Variants in PZP observed in about 807,000 individuals in gnomAD.
PZP encodes PZP alpha-2-macroglobulin like.
A neutral mutation model predicts 179.8 loss-of-function variants in PZP; 150 were observed. The ratio of observed to expected loss-of-function variants is 0.83; its 90% CI spans 0.73 to 0.96. PZP has a LOEUF of 0.96. Among genes scored for constraint, PZP ranks in the 40% least tolerant of loss-of-function variants. The pLI is 0.00. For missense variants in PZP, 1,689 were observed against 1,764.0 expected (o/e 0.96, Z 0.76); for synonymous variants, 624 against 652.3 (o/e 0.96, Z 0.66).
chr12:9,166,970 A>G (rs956143592), intron 17 of PZP: 12 of 152,234 alleles, frequency 7.9e-5, no homozygotes, highest in African/African-American at 2.9e-4. Context: ...ACCTTGTGAA[A>G]GAATACTTAC....
intron 4 of PZP, 51 bp from the exon 5 acceptor site, chr12:9,201,398 A>G: frequency 7.1e-7 from 1 of 1,406,330 alleles, no homozygotes; most frequent in African/African-American, 1.4e-5. Flanking sequence ...AGCAAAGGCT[A>G]CAATTTCAGA....
chr12:9,169,609 T>C lies in PZP; in HGVS notation c.1840-18A>G, dbSNP rs199731446. The C allele has an allele frequency of 1.7e-4, 272 of 1,574,980 alleles. 1 individual carries two copies. The African/African-American group carries it at 3.4e-3, about 20-fold the overall frequency. ...TTATATACCTGTAGCAGTGGGGGGA[T>C]CAAAGGCAGAACTGTTACTTACTTT... On this transcript the variant is annotated intron_variant, in intron 15 of 35. Transcript: ENST00000261336.
rs1468793471 is a variant in PZP, at chr12:9,192,247, T to G, written c.1492A>C (p.Lys498Gln). The change falls in exon 13 of 36, where the codon AAG (lysine) becomes CAG (glutamine). Residue 498 changes from lysine to glutamine, a missense_variant. By Grantham distance (53) the Lys-to-Gln change is moderately conservative. Coordinates refer to ENST00000261336, the MANE Select transcript of PZP (RefSeq NM_002864.3). ...ELSFHYLIMA[K>Q]GVIVRSGTHT... ...GTTCCAGATCTGACGATGACTCCCT[T>G]AGCCATGATCTGAAATGAAAAAACA... 2.5e-6 allele frequency: 4 copies of G among 1,614,010 alleles called. No homozygotes were observed. In the East Asian group the frequency reaches 6.7e-5, roughly 27 times the overall value.
intron 34 of PZP, 77 bp downstream of exon 34, chr12:9,150,566 CT>C: frequency 1.0e-6 from 1 of 963,128 alleles, no homozygotes; most frequent in East Asian, 2.5e-5. Context: ...ACTAAGTGGG[CT>C]AAGAAGAGGA....
At chr12:9,140,468 G>A in the PZP span, among the ~76,000 whole-genome samples, 32 of 152,280 alleles carry the variant, frequency 2.1e-4, no homozygotes, top group Admixed American at 6.5e-4. Flanking sequence ...AAAGGGCCAC[G>A]TGTTATTTTC....
intron 13 of PZP, among the ~76,000 whole-genome samples, chr12:9,191,167 G>A (rs747426041): frequency 1.3e-5 from 2 of 152,052 alleles, no homozygotes; most frequent in East Asian, 3.9e-4. Context: ...GACTCTTCCT[G>A]TTATGAATAA....
At chr12:9,194,477 T>G (rs1353421566) in intron 10 of PZP, among the ~76,000 whole-genome samples, 1 of 149,888 alleles carries the variant, frequency 6.7e-6, no homozygotes, top group Non-Finnish European at 1.5e-5. Context: ...TTTTTTTTTT[T>G]TTTTTGAGAC....
Position 9,157,350 on chromosome 12 carries a change from A to G in PZP, c.3375T>C (p.Pro1125=), listed in dbSNP as rs150570664. Residue 1125 remains proline (P), a synonymous_variant, in exon 28 of 36, where the codon CCT becomes CCC. Coordinates refer to ENST00000261336, the MANE Select transcript of PZP (RefSeq NM_002864.3). ...LLEIPLPVTN[P]IVRNALFCLE... ...GGCAGAACAGGGCATTGCGAACAAT[A>G]GGGTTCTGTAAAGGCAAAATGTGGT... 1,037 of 1,612,304 alleles carry G rather than the reference A, an allele frequency of 6.4e-4. 7 individuals carry two copies. In the African/African-American group the frequency reaches 0.012, roughly 19 times the overall value.
rs866328662 is a variant in PZP at position 9,194,260 on chromosome 12, T to C, written c.1093-22A>G. On this transcript the variant is annotated intron_variant, in intron 10 of 35. Transcript: ENST00000261336. ...GCACCTAAAGAAGAAAAGTACTTGA[T>C]AGTTGATGTGAACAACACCCAGAGA... 3.1e-6 allele frequency: 5 copies of C among 1,612,010 alleles called. No homozygotes were observed. In the Middle Eastern group the frequency reaches 6.6e-4, roughly 213 times the overall value.
chr12:9,197,457 TATA>T (rs1293292753), intron 7 of PZP, among the ~76,000 whole-genome samples: 8 of 131,808 alleles, frequency 6.1e-5, no homozygotes, highest in East Asian at 2.1e-4. Flanking sequence ...CTTAATAATA[TATA>T]ATAATATAAT....
chr12:9,179,900 G>C (rs1022473660), intron 15 of PZP, among the ~76,000 whole-genome samples: 19 of 152,164 alleles, frequency 1.2e-4, no homozygotes. Context: ...CAAAGTTGCA[G>C]GCAGATTCAG....
rs1940285463 is a variant in PZP at position 9,150,657 on chromosome 12, A to G, written c.4371T>C (p.Asp1457=). The G allele has an allele frequency of 6.2e-7, 1 of 1,604,266 alleles. No homozygotes were observed. ...DLKPAIVKVY[D]YYETDESVVA... ...TCTTTCACTCACCTGTCTCATAGTA[A>G]TCATAGACTTTAACAATTGCTGGCT... Residue 1457 remains aspartate, a synonymous_variant, in exon 34 of 36, where the codon GAT becomes GAC. Transcript: ENST00000261336.
Position 9,165,132 on chromosome 12 carries a change from T to G in PZP, c.2487+7A>C, listed in dbSNP as rs762763560. 1.1e-5 allele frequency: 17 copies of G among 1,612,808 alleles called. No homozygotes were observed. Among genetic ancestry groups the G allele is most frequent in the African/African-American group, 6.7e-5 (5 of 74,892 alleles). ...CCACCTTTCCTGTTCACCCTCATTT[T>G]CCTTACCCGGATGCATTTGGGAAGG... On this transcript the variant is annotated splice_region_variant and intron_variant, in intron 19 of 35. Coordinates refer to ENST00000261336, the MANE Select transcript of PZP (RefSeq NM_002864.3).
downstream of PZP, among the ~76,000 whole-genome samples, chr12:9,144,995 A>ACT (rs1939935454): frequency 6.6e-6 from 1 of 151,558 alleles, no homozygotes; most frequent in Non-Finnish European, 1.5e-5. Flanking sequence ...CCTGTCACCT[A>ACT]CTCTCTTGTG....
intron 29 of PZP, 148 bp downstream of exon 29, chr12:9,154,468 T>C (rs904262085): frequency 2.5e-6 from 2 of 812,612 alleles, no homozygotes; most frequent in African/African-American, 1.7e-5. Flanking sequence ...CTTAAGTCTT[T>C]CCTTTAAATT....
intron 14 of PZP, among the ~76,000 whole-genome samples, chr12:9,181,603 G>T (rs1942765271): frequency 6.6e-6 from 1 of 152,128 alleles, no homozygotes; most frequent in African/African-American, 2.4e-5. Context: ...GCAGAATAAG[G>T]ATAGATACCT....
chr12:9,188,671 A>C (rs1219357198), intron 13 of PZP, among the ~76,000 whole-genome samples: 1 of 152,248 alleles, frequency 6.6e-6, no homozygotes, highest in Non-Finnish European at 1.5e-5. Context: ...TGATGTTAGC[A>C]AAATTTCAGG....
chr12:9,165,480 A>C, intron 18 of PZP, 113 bp from the exon 19 acceptor site: 1 of 1,206,344 alleles, frequency 8.3e-7, no homozygotes, highest in African/African-American at 1.5e-5. Flanking sequence ...TTAAGGGTAT[A>C]TGCGAGTGTG....
Position 9,168,984 on chromosome 12 carries a change from A to T in PZP, c.2002-10T>A. ...CCTTCAATCCCATCCCCTGGAAAAA[A>T]ATAATTGTTCAATCTACTTGTAAGC... On this transcript the variant is annotated splice_polypyrimidine_tract_variant and intron_variant, in intron 16 of 35. Transcript: ENST00000261336. 1.9e-6 allele frequency: 3 copies of T among 1,591,888 alleles called. No individual in the cohort carries two copies. Among genetic ancestry groups the T allele is most frequent in the Non-Finnish European group, 2.6e-6 (3 of 1,159,866 alleles).
Sources: allele counts gnomAD v4.1 joint callset (sites outside exome capture counted in the v4.1 genomes callset), GRCh38; gene constraint gnomAD v4.1.1; transcripts MANE v1.5; gene names NCBI Gene and HGNC (gene_info 2026-07-23, HGNC 2026-07-21).